MDGA2: variants seen among roughly 807,000 people sequenced by gnomAD.
MDGA2 encodes the protein MAM domain-containing glycosylphosphatidylinositol anchor protein 2.
Under a neutral mutation model 117.8 loss-of-function variants are expected in MDGA2, and 40 were observed. The ratio of observed to expected loss-of-function variants is 0.34; its 90% CI spans 0.26 to 0.44. The LOEUF is 0.44. Ranked by LOEUF, MDGA2 falls within the 20% of genes least tolerant of loss-of-function variation. MDGA2 has a pLI of 1.00. For missense variants in MDGA2, 1,123 were observed against 1,250.6 expected (o/e 0.90, Z 1.54); for synonymous variants, 452 against 439.0 (o/e 1.03, Z -0.37).
At chr14:47,565,821 G>A (rs1212810773) in intron 1 of MDGA2, among the ~76,000 whole-genome samples, 2 of 152,170 alleles carry the variant, frequency 1.3e-5, no homozygotes, top group Non-Finnish European at 2.9e-5. Context: ...GGCAGGTGTA[G>A]GGCTGGCAAT....
At chr14:46,926,197 A>C (rs1328844569) in intron 9 of MDGA2, among the ~76,000 whole-genome samples, 1 of 152,212 alleles carries the variant, frequency 6.6e-6, no homozygotes, top group Non-Finnish European at 1.5e-5. Flanking sequence ...AAGATTTTAT[A>C]GTGAATCCAC....
intron 5 of MDGA2, among the ~76,000 whole-genome samples, chr14:47,114,687 A>G (rs1023943229): frequency 2.6e-5 from 4 of 152,204 alleles, no homozygotes; most frequent in Admixed American, 2.6e-4. Flanking sequence ...TCCCTATTTA[A>G]TATATAGTGC....
intron 1 of MDGA2, among the ~76,000 whole-genome samples, chr14:47,548,036 T>G (rs1358476098): frequency 1.3e-5 from 2 of 152,248 alleles, no homozygotes; most frequent in East Asian, 3.9e-4. Flanking sequence ...CCAACCCAAT[T>G]TCTAAAACTA....
intron 1 of MDGA2, chr14:47,343,370 T>C (rs754395591): frequency 3.4e-6 from 2 of 596,606 alleles, no homozygotes; most frequent in African/African-American, 4.0e-5. Flanking sequence ...CAGAAAGTGG[T>C]GTGAAAAGCC....
At chr14:46,842,148 ATTTTG>A (rs1880643053) in intron 16 of MDGA2, 129 bp from the exon 17 acceptor site, 1 of 608,274 alleles carries the variant, frequency 1.6e-6, no homozygotes. Flanking sequence ...ATTTATTTTT[ATTTTG>A]TTTTATTTAT....
At chr14:47,513,617 T>C (rs978890539) in intron 1 of MDGA2, among the ~76,000 whole-genome samples, 3 of 152,076 alleles carry the variant, frequency 2.0e-5, no homozygotes, top group African/African-American at 7.2e-5. Flanking sequence ...TCACCAGTAA[T>C]AGCAGAATCA....
At chr14:47,295,378 T>C (rs1889028870) in intron 2 of MDGA2, among the ~76,000 whole-genome samples, 2 of 152,150 alleles carry the variant, frequency 1.3e-5, no homozygotes, top group Admixed American at 1.3e-4. Flanking sequence ...ATATTAAGAG[T>C]TCAAATGTTC....
intron 10 of MDGA2, among the ~76,000 whole-genome samples, chr14:46,887,415 T>C (rs1882717077): frequency 6.6e-6 from 1 of 152,006 alleles, no homozygotes; most frequent in South Asian, 2.1e-4. Context: ...CTGAATATAC[T>C]GCTCCCTTAA....
chr14:46,871,192 T>C (rs1881982358), intron 14 of MDGA2: 2 of 152,006 alleles, frequency 1.3e-5, no homozygotes, highest in Admixed American at 1.3e-4. Context: ...ATTCCCAGTC[T>C]AGATTCTGTT....
At chr14:47,425,126 C>T (rs1892661111) in intron 1 of MDGA2, among the ~76,000 whole-genome samples, 2 of 152,116 alleles carry the variant, frequency 1.3e-5, no homozygotes, top group Non-Finnish European at 1.5e-5. Context: ...TGATAAGTCT[C>T]CATAATCCCT....
At chr14:46,986,620 G>A (rs1291394319) in intron 8 of MDGA2, among the ~76,000 whole-genome samples, 1 of 152,040 alleles carries the variant, frequency 6.6e-6, no homozygotes, top group Non-Finnish European at 1.5e-5. Flanking sequence ...ATTTCCAAAA[G>A]ATAAATGTCT....
At chr14:47,147,227 T>C (rs1199787321) in intron 3 of MDGA2, among the ~76,000 whole-genome samples, 1 of 150,962 alleles carries the variant, frequency 6.6e-6, no homozygotes, top group Non-Finnish European at 1.5e-5. Context: ...CTTAAATCTA[T>C]TTTAATATAT....
chr14:47,224,833 A>G (rs1886428013), intron 2 of MDGA2, among the ~76,000 whole-genome samples: 1 of 152,194 alleles, frequency 6.6e-6, no homozygotes, highest in Non-Finnish European at 1.5e-5. Context: ...GAGTTTTCAA[A>G]ATAAAAATTA....
chr14:47,632,760 T>G (rs1897262205), intron 1 of MDGA2, among the ~76,000 whole-genome samples: 2 of 152,022 alleles, frequency 1.3e-5, no homozygotes, highest in Admixed American at 1.3e-4. Context: ...TCTTTTTTTT[T>G]GAGGGGGGGG....
chr14:47,199,265 A>G (rs1308284130), intron 3 of MDGA2, among the ~76,000 whole-genome samples: 1 of 152,158 alleles, frequency 6.6e-6, no homozygotes, highest in Non-Finnish European at 1.5e-5. Flanking sequence ...TTTTTTAAAT[A>G]AAGACACATA....
At chr14:47,484,754 G>A (rs1894023889) in intron 1 of MDGA2, among the ~76,000 whole-genome samples, 1 of 152,072 alleles carries the variant, frequency 6.6e-6, no homozygotes, top group Non-Finnish European at 1.5e-5. Context: ...TCCTAATAGT[G>A]AATGGCTCTC....
chr14:47,298,683 C>CTT (rs66784813), intron 2 of MDGA2, among the ~76,000 whole-genome samples: 18,207 of 125,676 alleles, frequency 0.14, 1,880 homozygotes, highest in South Asian at 0.26. Context: ...CTTAATTTTT[C>CTT]TTTTTTTTTT....
chr14:47,005,084 G>A lies in MDGA2; in HGVS notation c.1819+29927C>T, dbSNP rs74467126. Among the ~76,000 whole-genome samples the A allele has an allele frequency of 4.5e-3, 684 of 151,562 alleles. 7 individuals are homozygous for A. Among genetic ancestry groups the A allele is most frequent in the African/African-American group, 0.015 (631 of 41,456 alleles). On this transcript the variant is annotated intron_variant, in intron 8 of 16. Coordinates refer to ENST00000399232, the MANE Select transcript of MDGA2 (RefSeq NM_001113498.3). ...GTTTATTTCTTTGCAATATTGATGC[G>A]ATTTATGTTTTTTCCTTGTCTTATT...
intron 1 of MDGA2, among the ~76,000 whole-genome samples, chr14:47,512,116 T>C (rs1255507125): frequency 6.6e-6 from 1 of 152,174 alleles, no homozygotes; most frequent in Non-Finnish European, 1.5e-5. Context: ...TACTGAAAAC[T>C]GCCCATTGAA....
Sources: gnomAD v4.1 joint callset for allele counts (sites outside exome capture counted in the v4.1 genomes callset) on GRCh38, gnomAD v4.1.1 for gene constraint, MANE v1.5 for transcripts, NCBI Gene and HGNC (gene_info 2026-07-23, HGNC 2026-07-21) for gene names.